CR1: variants seen among roughly 807,000 people sequenced by gnomAD.
CR1 encodes complement receptor type 1.
Under a neutral mutation model 187.3 loss-of-function variants are expected in CR1, and 116 were observed. The ratio of observed to expected loss-of-function variants is 0.62; its 90% CI spans 0.53 to 0.72. CR1 has a LOEUF of 0.72. Among genes scored for constraint, CR1 ranks in the 30% least tolerant of loss-of-function variants. CR1 has a pLI of 0.00. For missense variants in CR1, 1,731 were observed against 2,110.7 expected (o/e 0.82, Z 3.52); for synonymous variants, 576 against 747.1 (o/e 0.77, Z 3.73).
intron 35 of CR1, among the ~76,000 whole-genome samples, chr1:207,604,144 G>A (rs2102376589): frequency 6.6e-6 from 1 of 152,196 alleles, no homozygotes; most frequent in Admixed American, 6.5e-5. Context: ...TATTTATCAT[G>A]TTTATAAGGA....
Position 207,611,749 on chromosome 1 carries a change from A to G in CR1, c.6368A>G (p.Gln2123Arg), listed in dbSNP as rs924076464. The change falls in exon 38 of 47, where the codon CAG (glutamine) becomes CGG (arginine). Residue 2123 changes from glutamine (Q) to arginine (R), a missense_variant. Around this residue, in one of 5 missense-constraint regions of CR1, gnomAD observed 1,312 missense variants for 1,379.6 expected, o/e 0.95. Transcript: ENST00000367049. ...LSHQDNFSPG[Q>R]EVFYSCEPSY... ...CATCAGGACAACTTTTCACCTGGGC[A>G]GGAAGTGTTCTACAGCTGTGAGCCC... 1.9e-6 allele frequency: 3 copies of G among 1,613,882 alleles called. No individual in the cohort carries two copies. Among genetic ancestry groups the G allele is most frequent in the Admixed American group, 1.7e-5 (1 of 60,004 alleles).
intron 40 of CR1, among the ~76,000 whole-genome samples, chr1:207,614,850 C>T (rs1294124215): frequency 1.3e-5 from 2 of 152,094 alleles, no homozygotes; most frequent in Non-Finnish European, 2.9e-5. Context: ...GACACTGTCA[C>T]CCAGGACAGA....
At chr1:207,612,833 G>C (rs901596580) in intron 39 of CR1, among the ~76,000 whole-genome samples, 1 of 152,230 alleles carries the variant, frequency 6.6e-6, no homozygotes, top group Admixed American at 6.5e-5. Flanking sequence ...TCGCACTGAA[G>C]GGAACGTGGT....
intron 37 of CR1, 41 bp from the exon 38 acceptor site, chr1:207,611,636 C>T (rs763101300): frequency 6.2e-7 from 1 of 1,608,402 alleles, no homozygotes; most frequent in Non-Finnish European, 8.5e-7. Flanking sequence ...AAGGAAATTG[C>T]CCCATATCTA....
At chr1:207,603,192 G>T (rs1661654200) in intron 35 of CR1, among the ~76,000 whole-genome samples, 1 of 151,978 alleles carries the variant, frequency 6.6e-6, no homozygotes, top group Non-Finnish European at 1.5e-5. Context: ...TTTGATACCA[G>T]ATCAGAGGTG....
intron 25 of CR1, 93 bp downstream of exon 25, chr1:207,568,135 A>G (rs1558237256): frequency 1.3e-6 from 2 of 1,599,166 alleles, no homozygotes; most frequent in Admixed American, 3.4e-5. Context: ...ATTTATTTGT[A>G]TGTATGCATT....
In CR1 at chr1:207,523,666, C is replaced by G; in HGVS notation, c.543C>G (p.Asn181Lys). ...TITNGDFIST[N>K]RENFHYGSVV... is the part of the protein sequence containing the mutation. ...CCAATGGAGATTTCATTAGCACCAACAGAGAGAATTTTCACTATGGATCAG... is the reference window on the plus strand; with the variant it reads ...CCAATGGAGATTTCATTAGCACCAAGAGAGAGAATTTTCACTATGGATCAG... Residue 181 changes from asparagine to lysine, a missense_variant, in exon 5 of 47, where the codon AAC (asparagine) becomes AAG (lysine). Coordinates refer to ENST00000367049, the MANE Select transcript of CR1 (RefSeq NM_000651.6). The G allele has an allele frequency of 6.2e-7, 1 of 1,613,910 alleles. No homozygotes were observed. The highest frequency in any genetic ancestry group is 8.5e-7 in the Non-Finnish European group (1 of 1,179,896).
At chr1:207,628,827 C>G (rs982829523) in intron 45 of CR1, among the ~76,000 whole-genome samples, 1 of 152,052 alleles carries the variant, frequency 6.6e-6, no homozygotes, top group African/African-American at 2.4e-5. Context: ...CAGTATCTTT[C>G]TAGAGAACCG....
At position 207,609,685 on chromosome 1, in the gene CR1, A is replaced by G; in HGVS notation, c.6292A>G (p.Arg2098Gly). 1.3e-6 allele frequency: 2 copies of G among 1,576,594 alleles called. No homozygotes were observed. Among genetic ancestry groups the G allele is most frequent in the Admixed American group, 1.8e-5 (1 of 56,300 alleles). Reference sequence around the variant, plus strand: ...GGGGCCCAAGCTGCCACACTGCTCCAGGGGTGAGTGTGACCCATCAAGACT... The same window carrying G: ...GGGGCCCAAGCTGCCACACTGCTCCGGGGGTGAGTGTGACCCATCAAGACT... The part of the protein sequence containing the change: ...RWGPKLPHCS[R>G]VCQPPPEILH... Residue 2098 changes from arginine (R) to glycine (G), a missense_variant, in exon 37 of 47, where the codon AGG becomes GGG. Around this residue, in one of 5 missense-constraint regions of CR1, gnomAD observed 1,312 missense variants for 1,379.6 expected, o/e 0.95. Transcript: ENST00000367049.
intron 1 of CR1, among the ~76,000 whole-genome samples, chr1:207,500,572 G>A (rs951944362): frequency 1.3e-5 from 2 of 152,198 alleles, no homozygotes; most frequent in African/African-American, 4.8e-5. Flanking sequence ...AACCCGAAAT[G>A]AGATAACAAT....
intron 25 of CR1, among the ~76,000 whole-genome samples, chr1:207,568,493 T>C (rs1401867256): frequency 8.3e-5 from 3 of 36,234 alleles, no homozygotes; most frequent in African/African-American, 4.1e-4. Context: ...CTTTCTGGCT[T>C]CCTAAAAATG....
intron 27 of CR1, among the ~76,000 whole-genome samples, chr1:207,574,811 T>C (rs1660688558): frequency 6.6e-6 from 1 of 152,162 alleles, no homozygotes; most frequent in African/African-American, 2.4e-5. Flanking sequence ...ATATATAAAA[T>C]GAAATTCCTC....
intron 44 of CR1, 83 bp from the exon 45 acceptor site, chr1:207,622,910 T>A: frequency 1.1e-6 from 1 of 922,806 alleles, no homozygotes; most frequent in Non-Finnish European, 1.7e-6. Flanking sequence ...TGGCAATCTG[T>A]AGTGGGACTG....
At chr1:207,629,268 C>T (rs1662576330) in intron 45 of CR1, among the ~76,000 whole-genome samples, 1 of 152,096 alleles carries the variant, frequency 6.6e-6, no homozygotes, top group African/African-American at 2.4e-5. Flanking sequence ...ATACTTAAGG[C>T]CATCCTCTGT....
At position 207,618,021 on chromosome 1, in the gene CR1, A is replaced by G. The variant is rs765054428; in HGVS notation, c.6890-50A>G. ...GATGTGTTCATGTATTCATATGTCT[A>G]TGTTTAACTGAGTGTCTTTTCTTGT... On this transcript the variant is annotated intron_variant, in intron 41 of 46. Transcript: ENST00000367049. 6.3e-6 allele frequency: 10 copies of G among 1,578,920 alleles called. No homozygotes were observed. The East Asian group carries it at 9.0e-5, about 14-fold the overall frequency.
chr1:207,626,382 A>G (rs1662478871), intron 45 of CR1, among the ~76,000 whole-genome samples: 1 of 152,182 alleles, frequency 6.6e-6, no homozygotes, highest in Non-Finnish European at 1.5e-5. Flanking sequence ...TACCTCCTTG[A>G]GTGGGTGTGG....
chr1:207,623,001 T>C lies in CR1; in HGVS notation c.7285T>C (p.Ser2429Pro), dbSNP rs936179811. 2 of 1,572,596 alleles carry C rather than the reference T, an allele frequency of 1.3e-6. No homozygotes were observed. Among genetic ancestry groups the C allele is most frequent in the African/African-American group, 1.3e-5 (1 of 74,554 alleles). Residue 2429 changes from serine to proline, a missense_variant, in exon 45 of 47, where the codon TCT becomes CCT. Transcript: ENST00000367049. ...THDALIVGTLSGTIFFILLII... is the reference protein window; with the variant it reads ...THDALIVGTLPGTIFFILLII... The stretch of plus-strand genomic sequence containing the variant: ...CTTGTTTTACTGCCTAGGCACTTTA[T>C]CTGGTACGATCTTCTTTATTTTACT...
chr1:207,603,106 T>C (rs924584064), intron 35 of CR1, among the ~76,000 whole-genome samples: 3 of 152,150 alleles, frequency 2.0e-5, no homozygotes, highest in Non-Finnish European at 4.4e-5. Flanking sequence ...ACATTCTTTT[T>C]TTTAATTTGA....
At chr1:207,608,160 T>C (rs1241254027) in intron 36 of CR1, among the ~76,000 whole-genome samples, 1 of 152,170 alleles carries the variant, frequency 6.6e-6, no homozygotes, top group African/African-American at 2.4e-5. Context: ...ACAACCTAAA[T>C]GTTCAGCATG....
Sources: allele counts gnomAD v4.1 joint callset (sites outside exome capture counted in the v4.1 genomes callset), GRCh38; gene constraint gnomAD v4.1.1; regional missense constraint gnomAD v4.1.1; transcripts MANE v1.5; gene names NCBI Gene and HGNC (gene_info 2026-07-23, HGNC 2026-07-21).